The following IL1RAPL1 variants were observed in gnomAD, a reference collection of about 807,000 sequenced individuals.
The protein encoded by IL1RAPL1 is interleukin-1 receptor accessory protein-like 1.
A neutral mutation model predicts 48.4 loss-of-function variants in IL1RAPL1; 3 were observed. The observed-to-expected ratio is 0.06, with a 90% confidence interval of 0.03 to 0.16. The LOEUF is 0.16. IL1RAPL1 is among the 10% of genes least tolerant of loss of function. IL1RAPL1 has a pLI of 1.00. For synonymous variants in IL1RAPL1, 185 were observed against 187.7 expected (o/e 0.99, Z 0.12); for missense variants, 349 against 530.6 (o/e 0.66, Z 3.36).
At chrX:28,720,375 A>G (rs60471848) in intron 1 of IL1RAPL1, among the ~76,000 whole-genome samples, 3,156 of 111,553 alleles carry the variant, frequency 0.028, 103 homozygotes, top group African/African-American at 0.098. Context: ...GCACAAGGAA[A>G]CAATGTAGCT....
intron 1 of IL1RAPL1, among the ~76,000 whole-genome samples, chrX:28,613,072 A>G (rs1934171645): frequency 8.9e-6 from 1 of 112,010 alleles, no homozygotes; most frequent in Non-Finnish European, 1.9e-5. Context: ...AATACTAGGA[A>G]TTTGTTGTGT....
At chrX:28,907,443 C>T (rs1020800285) in intron 2 of IL1RAPL1, among the ~76,000 whole-genome samples, 20 of 111,166 alleles carry the variant, frequency 1.8e-4, no homozygotes, top group Non-Finnish European at 3.2e-4. Flanking sequence ...TTAGTAGAGA[C>T]GGGGTTTTGC....
At chrX:28,620,268 A>G (rs1323673737) in intron 1 of IL1RAPL1, among the ~76,000 whole-genome samples, 1 of 111,855 alleles carries the variant, frequency 8.9e-6, no homozygotes, top group Non-Finnish European at 1.9e-5. Context: ...AACATAAACT[A>G]AGGTTTGCCA....
intron 2 of IL1RAPL1, among the ~76,000 whole-genome samples, chrX:28,891,607 C>T (rs980203555): frequency 8.9e-6 from 1 of 112,182 alleles, no homozygotes; most frequent in African/African-American, 3.2e-5. Flanking sequence ...ATCCAAAGTA[C>T]TTCTTCCTTT....
At chrX:29,006,921 C>T (rs1214257752) in intron 2 of IL1RAPL1, among the ~76,000 whole-genome samples, 5 of 110,260 alleles carry the variant, frequency 4.5e-5, no homozygotes, top group Non-Finnish European at 7.6e-5. Context: ...ATTTGGGAGG[C>T]AGTTTTAAAA....
chrX:29,354,892 A>G (rs1382691787), intron 3 of IL1RAPL1, among the ~76,000 whole-genome samples: 1 of 112,435 alleles, frequency 8.9e-6, no homozygotes, highest in African/African-American at 3.2e-5. Context: ...TGTATATCTC[A>G]TATATACATG....
chrX:28,807,161 T>C (rs895817424), intron 2 of IL1RAPL1, among the ~76,000 whole-genome samples: 3 of 111,322 alleles, frequency 2.7e-5, no homozygotes, highest in African/African-American at 9.8e-5. Context: ...GATAAATCTT[T>C]CTCAATTTAA....
intron 2 of IL1RAPL1, among the ~76,000 whole-genome samples, chrX:28,852,739 C>G (rs753216076): frequency 5.4e-5 from 6 of 111,447 alleles, no homozygotes; most frequent in African/African-American, 2.0e-4. Context: ...TTGCAGTCAT[C>G]AGAATCCACA....
chrX:29,872,001 G>A (rs951188556), intron 6 of IL1RAPL1, among the ~76,000 whole-genome samples: 8 of 111,896 alleles, frequency 7.1e-5, no homozygotes, highest in Non-Finnish European at 1.5e-4. Context: ...GATTACAAAT[G>A]TGAGCCACTG....
intron 2 of IL1RAPL1, among the ~76,000 whole-genome samples, chrX:28,817,892 T>C (rs922500973): frequency 1.8e-5 from 2 of 110,371 alleles, no homozygotes; most frequent in Admixed American, 9.7e-5. Flanking sequence ...TGATGGGGAG[T>C]GTTTAAGATC....
chrX:28,817,623 A>T (rs1399132457), intron 2 of IL1RAPL1, among the ~76,000 whole-genome samples: 2 of 111,391 alleles, frequency 1.8e-5, no homozygotes, highest in Non-Finnish European at 1.9e-5. Flanking sequence ...CATGTTTTAA[A>T]CAAGAATACC....
chrX:29,921,329 C>G (rs1383089078), intron 8 of IL1RAPL1, among the ~76,000 whole-genome samples: 1 of 112,208 alleles, frequency 8.9e-6, no homozygotes, highest in Non-Finnish European at 1.9e-5. Flanking sequence ...TAATCCTAGA[C>G]TCTTTGAGGT....
chrX:28,715,008 G>T (rs1048104160), intron 1 of IL1RAPL1, among the ~76,000 whole-genome samples: 2 of 111,905 alleles, frequency 1.8e-5, no homozygotes, highest in African/African-American at 6.5e-5. Flanking sequence ...AATTAACAAA[G>T]ATATTCAGGA....
chrX:28,946,089 T>TA (rs1004444573), intron 2 of IL1RAPL1, among the ~76,000 whole-genome samples: 12 of 109,302 alleles, frequency 1.1e-4, no homozygotes, highest in African/African-American at 3.0e-4. Flanking sequence ...TAAGATCTGA[T>TA]AAAAAAAGAG....
At chrX:29,243,163 G>A (rs749157827) in intron 2 of IL1RAPL1, among the ~76,000 whole-genome samples, 24 of 112,325 alleles carry the variant, frequency 2.1e-4, no homozygotes, top group Non-Finnish European at 2.8e-4. Flanking sequence ...TGAAATTTAA[G>A]AGCAGAGTAT....
intron 5 of IL1RAPL1, among the ~76,000 whole-genome samples, chrX:29,429,875 T>C (rs1159895767): frequency 7.4e-5 from 5 of 67,288 alleles, no homozygotes; most frequent in African/African-American, 2.7e-4. Context: ...TTATAGTGTA[T>C]ATATATGTGT....
intron 2 of IL1RAPL1, among the ~76,000 whole-genome samples, chrX:29,124,018 T>C (rs1928852008): frequency 8.9e-6 from 1 of 111,807 alleles, no homozygotes; most frequent in Non-Finnish European, 1.9e-5. Context: ...ATTTGTGGTC[T>C]GCATCTTATT....
chrX:28,936,236 T>C (rs756567272), intron 2 of IL1RAPL1, among the ~76,000 whole-genome samples: 6 of 110,812 alleles, frequency 5.4e-5, no homozygotes, highest in African/African-American at 2.0e-4. Context: ...AGTTTTGAGG[T>C]TTTTTCAGAT....
intron 5 of IL1RAPL1, among the ~76,000 whole-genome samples, chrX:29,597,591 G>A (rs1230583713): frequency 8.9e-6 from 1 of 112,031 alleles, no homozygotes; most frequent in Non-Finnish European, 1.9e-5. Flanking sequence ...CTCTTTCTCT[G>A]TCCTGTGGAA....
Sources: gnomAD v4.1 joint callset for allele counts (sites outside exome capture counted in the v4.1 genomes callset) on GRCh38, gnomAD v4.1.1 for gene constraint, MANE v1.5 for transcripts, NCBI Gene and HGNC (gene_info 2026-07-23, HGNC 2026-07-21) for gene names.